The following ROBO2 variants were observed in gnomAD, a reference collection of about 807,000 sequenced individuals.
ROBO2 encodes the protein roundabout guidance receptor 2.
ROBO2 carries 53 observed loss-of-function variants against 160.8 expected under a neutral mutation model. The ratio of observed to expected loss-of-function variants is 0.33; its 90% CI spans 0.26 to 0.41. The LOEUF (loss-of-function observed/expected upper bound fraction) is 0.41. Among genes scored for constraint, ROBO2 ranks in the 10% least tolerant of loss-of-function variants. The probability of loss-of-function intolerance (pLI) is 1.00; values close to 1 mark genes in which losing one functional copy is unlikely to be tolerated. For missense variants in ROBO2, 1,577 were observed against 1,722.4 expected (o/e 0.92, Z 1.49); for synonymous variants, 664 against 611.7 (o/e 1.09, Z -1.26).
chr3:76,500,609 G>A (rs1226353583), intron 2 of ROBO2, among the ~76,000 whole-genome samples: 1 of 152,102 alleles, frequency 6.6e-6, no homozygotes, highest in Non-Finnish European at 1.5e-5. Context: ...TACCACATTT[G>A]TCACATTCTT....
chr3:77,167,346 C>T (rs954896491), intron 2 of ROBO2, among the ~76,000 whole-genome samples: 3 of 152,118 alleles, frequency 2.0e-5, no homozygotes, highest in Non-Finnish European at 4.4e-5. Flanking sequence ...TCAGAACATT[C>T]TGTGTAGAAA....
intron 2 of ROBO2, among the ~76,000 whole-genome samples, chr3:76,018,975 A>G (rs2066484846): frequency 1.3e-5 from 2 of 149,960 alleles, no homozygotes; most frequent in African/African-American, 2.5e-5. Flanking sequence ...TATTTGCATT[A>G]TGGTCTCCCC....
chr3:77,123,052 G>A (rs1218292741), intron 2 of ROBO2, among the ~76,000 whole-genome samples: 2 of 152,034 alleles, frequency 1.3e-5, no homozygotes, highest in African/African-American at 2.4e-5. Flanking sequence ...TAAAAGCAAA[G>A]ACAAGTTTAG....
chr3:76,836,947 C>T (rs1443999896), intron 2 of ROBO2, among the ~76,000 whole-genome samples: 1 of 151,714 alleles, frequency 6.6e-6, no homozygotes, highest in African/African-American at 2.4e-5. Context: ...GATTTTCTGT[C>T]AATATGCTCT....
intron 3 of ROBO2, among the ~76,000 whole-genome samples, chr3:77,477,811 C>A (rs1297909929): frequency 1.4e-5 from 2 of 144,044 alleles, no homozygotes; most frequent in Non-Finnish European, 1.5e-5. Context: ...CTTTACACTG[C>A]AATATTGATA....
chr3:77,046,154 T>C (rs190435420), intron 1 of ROBO2, among the ~76,000 whole-genome samples: 192 of 152,364 alleles, frequency 1.3e-3, no homozygotes, highest in Middle Eastern at 6.8e-3. Flanking sequence ...TGTTTCACAT[T>C]TTGAGGAACT....
intron 6 of ROBO2, among the ~76,000 whole-genome samples, chr3:77,528,746 C>CA (rs1455131649): frequency 1.3e-5 from 2 of 151,562 alleles, no homozygotes; most frequent in African/African-American, 4.8e-5. Context: ...CATGACTTCA[C>CA]ATTTCAATAT....
rs537698818 is a variant in ROBO2, at chr3:76,937,206, T to C, written c.110-160808T>C. Among the ~76,000 whole-genome samples the C allele has an allele frequency of 1.1e-4, 17 of 152,338 alleles. No homozygotes were observed. The East Asian group carries it at 3.3e-3, about 29-fold the overall frequency. On this transcript the variant is annotated intron_variant, in intron 2 of 26. Coordinates refer to the ROBO2 transcript ENST00000487694. Reference sequence around the variant, plus strand: ...ATTATATGGCTGTCCATAGAAGGGCTAGGTCATTTTACCATTATATAATTA... The same window carrying C: ...ATTATATGGCTGTCCATAGAAGGGCCAGGTCATTTTACCATTATATAATTA...
At chr3:76,788,325 T>C (rs925266174) in intron 2 of ROBO2, among the ~76,000 whole-genome samples, 2 of 151,544 alleles carry the variant, frequency 1.3e-5, no homozygotes, top group Admixed American at 6.6e-5. Flanking sequence ...CCTTAAATGG[T>C]ATTAAGTGCC....
intron 2 of ROBO2, among the ~76,000 whole-genome samples, chr3:76,345,870 G>A (rs893808220): frequency 6.6e-6 from 1 of 151,896 alleles, no homozygotes; most frequent in Non-Finnish European, 1.5e-5. Context: ...TACCTAAAGC[G>A]TACCAAACTC....
chr3:77,055,433 A>T (rs1242685385), intron 1 of ROBO2, among the ~76,000 whole-genome samples: 4 of 152,164 alleles, frequency 2.6e-5, no homozygotes, highest in Non-Finnish European at 5.9e-5. Context: ...GATGAGAACT[A>T]TACAAAATCT....
intron 2 of ROBO2, among the ~76,000 whole-genome samples, chr3:77,129,088 C>A (rs1374597630): frequency 6.6e-6 from 1 of 151,924 alleles, no homozygotes; most frequent in South Asian, 2.1e-4. Context: ...TTGGAGTGCT[C>A]TTTTTAGAAA....
intron 2 of ROBO2, among the ~76,000 whole-genome samples, chr3:76,288,899 A>G (rs752266893): frequency 5.9e-5 from 9 of 152,034 alleles, no homozygotes; most frequent in Non-Finnish European, 1.2e-4. Flanking sequence ...TCCACTCTTG[A>G]TGGGCATCTA....
At chr3:76,645,275 A>G (rs1013396967) in intron 2 of ROBO2, among the ~76,000 whole-genome samples, 1 of 152,208 alleles carries the variant, frequency 6.6e-6, no homozygotes, top group Non-Finnish European at 1.5e-5. Flanking sequence ...TACTTCCCAT[A>G]GTGCTTCTTT....
At chr3:77,092,914 AT>A in intron 1 of ROBO2, among the ~76,000 whole-genome samples, 1 of 151,708 alleles carries the variant, frequency 6.6e-6, no homozygotes. Flanking sequence ...TATAAAATAA[AT>A]TTAAATTAAA....
chr3:77,398,877 G>C (rs967072141), intron 2 of ROBO2, among the ~76,000 whole-genome samples: 5 of 152,104 alleles, frequency 3.3e-5, no homozygotes, highest in Non-Finnish European at 7.4e-5. Flanking sequence ...GAGCTACCAT[G>C]CCTGACCATT....
At chr3:76,774,178 T>C (rs1467290532) in intron 2 of ROBO2, among the ~76,000 whole-genome samples, 1 of 150,998 alleles carries the variant, frequency 6.6e-6, no homozygotes, top group Non-Finnish European at 1.5e-5. Flanking sequence ...AAATGAATTA[T>C]ATTGTAATTC....
intron 2 of ROBO2, among the ~76,000 whole-genome samples, chr3:76,948,782 T>C (rs1202804787): frequency 7.0e-6 from 1 of 143,296 alleles, no homozygotes; most frequent in African/African-American, 2.6e-5. Flanking sequence ...CTTGGCTCAG[T>C]GCAACCCCCG....
intron 2 of ROBO2, among the ~76,000 whole-genome samples, chr3:77,387,145 T>G (rs1032356386): frequency 2.0e-5 from 3 of 151,714 alleles, no homozygotes; most frequent in African/African-American, 7.3e-5. Flanking sequence ...ATGCCACCCA[T>G]TTTTACACCA....
Sources: gnomAD v4.1 joint callset for allele counts (sites outside exome capture counted in the v4.1 genomes callset) on GRCh38, gnomAD v4.1.1 for gene constraint, MANE v1.5 for transcripts, NCBI Gene and HGNC (gene_info 2026-07-23, HGNC 2026-07-21) for gene names.